Variants in DRC2 observed in about 807,000 individuals in gnomAD.
The protein encoded by DRC2 is coiled-coil domain containing 65.
chr12:48,918,371 G>A, the DRC2 span: 9 of 1,614,172 alleles, frequency 5.6e-6, no homozygotes, highest in African/African-American at 1.3e-5. Flanking sequence ...TTACACTGAT[G>A]CCACAGAGGA....
chr12:48,918,122 T>C, the DRC2 span: 1 of 666,284 alleles, frequency 1.5e-6, no homozygotes. Flanking sequence ...AACATATTTA[T>C]ATCATCTGCC....
the DRC2 span, among the ~76,000 whole-genome samples, chr12:48,916,406 C>A: frequency 2.6e-5 from 4 of 152,064 alleles, no homozygotes; most frequent in Non-Finnish European, 5.9e-5. Context: ...GAGACCAGCC[C>A]GGCCAACACA....
chr12:48,909,745 G>A, the DRC2 span, among the ~76,000 whole-genome samples: 1 of 150,776 alleles, frequency 6.6e-6, no homozygotes, highest in African/African-American at 2.4e-5. Flanking sequence ...CCAAAATGTT[G>A]GGATTACAGG....
the DRC2 span, among the ~76,000 whole-genome samples, chr12:48,906,871 C>T: frequency 4.0e-5 from 6 of 151,650 alleles, no homozygotes; most frequent in South Asian, 1.3e-3. Flanking sequence ...CAGCCCATAC[C>T]TTATGGATTT....
the DRC2 span, chr12:48,914,695 AC>A: frequency 3.6e-6 from 3 of 836,564 alleles, no homozygotes; most frequent in Non-Finnish European, 5.4e-6. Flanking sequence ...TTATCACGGG[AC>A]CCCCAGCAGA....
the DRC2 span, among the ~76,000 whole-genome samples, chr12:48,909,134 C>T: frequency 6.7e-6 from 1 of 149,420 alleles, no homozygotes. Flanking sequence ...ACCTCCACCT[C>T]CTGGGTTCAA....
At chr12:48,911,046 T>G in the DRC2 span, among the ~76,000 whole-genome samples, 6 of 152,178 alleles carry the variant, frequency 3.9e-5, no homozygotes, top group African/African-American at 1.4e-4. Context: ...CATAAAGAGC[T>G]TCTTATTTTA....
the DRC2 span, chr12:48,918,812 C>T: frequency 1.2e-6 from 2 of 1,614,120 alleles, no homozygotes; most frequent in Non-Finnish European, 1.7e-6. Flanking sequence ...GCCCAAAGAA[C>T]TCAGGCCCGG....
At chr12:48,904,745 C>T in the DRC2 span, among the ~76,000 whole-genome samples, 1 of 152,206 alleles carries the variant, frequency 6.6e-6, no homozygotes, top group Admixed American at 6.5e-5. Context: ...TGCTGATATT[C>T]TCCCTGGAGA....
chr12:48,906,501 C>T, the DRC2 span, among the ~76,000 whole-genome samples: 3 of 151,914 alleles, frequency 2.0e-5, no homozygotes, highest in Non-Finnish European at 4.4e-5. Flanking sequence ...TTAGGCTGGT[C>T]TTAAACTCCC....
the DRC2 span, among the ~76,000 whole-genome samples, chr12:48,911,112 TTA>T: frequency 1.3e-5 from 2 of 152,228 alleles, no homozygotes; most frequent in African/African-American, 2.4e-5. Context: ...CTCTGTATTT[TTA>T]TTTTGGTAAC....
chr12:48,912,922 G>T, the DRC2 span, among the ~76,000 whole-genome samples: 1 of 151,862 alleles, frequency 6.6e-6, no homozygotes, highest in African/African-American at 2.4e-5. Context: ...TGGATCACAA[G>T]GTCAAGAGAT....
the DRC2 span, among the ~76,000 whole-genome samples, chr12:48,908,604 A>ATTATTATTTATTTAT: frequency 9.0e-6 from 1 of 110,966 alleles, no homozygotes; most frequent in African/African-American, 4.8e-5. Context: ...TATTATTATT[A>ATTATTATTTATTTAT]TTATTTATTT....
At chr12:48,910,969 T>TG in the DRC2 span, among the ~76,000 whole-genome samples, 359 of 152,300 alleles carry the variant, frequency 2.4e-3, 1 homozygote, top group African/African-American at 7.8e-3. Context: ...CACCTGAGCC[T>TG]GGGAAGCAGA....
At chr12:48,912,457 A>AAAAAAAAAAAAAAAAAAAAAAAAAAC in the DRC2 span, among the ~76,000 whole-genome samples, 1 of 150,266 alleles carries the variant, frequency 6.7e-6, no homozygotes, top group Non-Finnish European at 1.5e-5. Context: ...AAAAAAAAAA[A>AAAAAAAAAAAAAAAAAAAAAAAAAAC]AAATTCATGT....
the DRC2 span, chr12:48,904,344 A>G: frequency 1.2e-6 from 2 of 1,613,332 alleles, no homozygotes; most frequent in African/African-American, 2.7e-5. Context: ...CCCATGCCTA[A>G]GAAAGAAAAA....
At chr12:48,904,877 TAA>T in the DRC2 span, 1 of 1,341,188 alleles carries the variant, frequency 7.5e-7, no homozygotes, top group African/African-American at 1.5e-5. Flanking sequence ...GCTGATAAAT[TAA>T]GAGTGATCTT....
the DRC2 span, among the ~76,000 whole-genome samples, chr12:48,912,527 C>A: frequency 6.7e-6 from 1 of 149,900 alleles, no homozygotes; most frequent in African/African-American, 2.5e-5. Context: ...TAAGAACAAG[C>A]ATTCTAAGGG....
the DRC2 span, chr12:48,921,300 C>A: frequency 6.2e-7 from 1 of 1,614,098 alleles, no homozygotes; most frequent in East Asian, 2.2e-5. Context: ...GATGCTGAAG[C>A]AGTACTTGGA....
Sources: allele counts gnomAD v4.1 joint callset (sites outside exome capture counted in the v4.1 genomes callset), GRCh38; gene constraint gnomAD v4.1.1; transcripts MANE v1.5; gene names NCBI Gene and HGNC (gene_info 2026-07-23, HGNC 2026-07-21).